Variants in SPACA6 observed in about 807,000 individuals in gnomAD.
The protein encoded by SPACA6 is sperm acrosome associated 6.
For synonymous variants in SPACA6, 6 were observed against 1.5 expected (o/e 4.05, Z -2.21); for missense variants, 8 against 2.8 (o/e 2.88, Z -1.34).
upstream of SPACA6, chr19:51,692,696 G>A (rs780885473): frequency 9.4e-6 from 5 of 533,194 alleles, no homozygotes; most frequent in South Asian, 4.2e-5. The surrounding 1 kb of genome is among the most constrained non-coding windows in gnomAD (Gnocchi z 5.6). Context: ...GCTCACCATC[G>A]CGGCTGGGGC....
chr19:51,698,776 G>T (rs985538802), intron 2 of SPACA6, among the ~76,000 whole-genome samples: 1 of 152,166 alleles, frequency 6.6e-6, no homozygotes, highest in African/African-American at 2.4e-5. Context: ...CCCTGCAATG[G>T]CTTTAAGCCC....
chr19:51,703,108 C>A lies in SPACA6; in HGVS notation c.463+10C>A. 7.5e-6 allele frequency: 3 copies of A among 399,548 alleles called. No individual in the cohort carries two copies. The highest frequency in any genetic ancestry group is 1.3e-5 in the Non-Finnish European group (3 of 226,414). 24.8% of individuals were successfully genotyped at this position (399,548 alleles called of 1,614,324 possible). The stretch of plus-strand genomic sequence containing the variant: ...CCGCTGGACTGCCCAGGTGAGGGGG[C>A]GGGGCCTCGGGGTGCAGGAGGCCAA... On this transcript the variant is annotated intron_variant, in intron 5 of 8. Transcript: ENST00000637797. This position sits in a 1 kb window ranked among gnomAD's most constrained non-coding sequence, Gnocchi z 4.2.
At chr19:51,683,566 A>G in the SPACA6 span, among the ~76,000 whole-genome samples, 1 of 152,230 alleles carries the variant, frequency 6.6e-6, no homozygotes, top group Non-Finnish European at 1.5e-5. Flanking sequence ...GAAAGAATAC[A>G]GTAAAAATAC....
chr19:51,699,739 C>T (rs904075387), intron 2 of SPACA6, among the ~76,000 whole-genome samples: 6 of 152,114 alleles, frequency 3.9e-5, no homozygotes, highest in Admixed American at 3.3e-4. Flanking sequence ...ACTTAATCAC[C>T]TCTTTAAGAA....
upstream of SPACA6, among the ~76,000 whole-genome samples, chr19:51,690,824 C>T (rs1398120541): frequency 6.6e-6 from 1 of 151,944 alleles, no homozygotes; most frequent in East Asian, 1.9e-4. Flanking sequence ...GGCTTCCCCT[C>T]TCCCCTCACC....
the SPACA6 span, among the ~76,000 whole-genome samples, chr19:51,683,594 G>T: frequency 1.3e-5 from 2 of 152,098 alleles, no homozygotes; most frequent in African/African-American, 4.8e-5. Context: ...AGAATAAATT[G>T]CCCTGTTAAT....
chr19:51,712,774 A>G (rs2083548879), downstream of SPACA6, among the ~76,000 whole-genome samples: 1 of 152,078 alleles, frequency 6.6e-6, no homozygotes, highest in South Asian at 2.1e-4. Context: ...GCCAGCTAAG[A>G]GGGAGGGGAG....
upstream of SPACA6, chr19:51,686,027 A>T (rs2083326938): frequency 6.6e-6 from 1 of 152,200 alleles, no homozygotes; most frequent in African/African-American, 2.4e-5. Flanking sequence ...GAAGGCAATG[A>T]TGGATCCTGA....
At chr19:51,710,832 C>A (rs962305422) in intron 2 of SPACA6, among the ~76,000 whole-genome samples, 15 of 152,212 alleles carry the variant, frequency 9.9e-5, no homozygotes, top group Admixed American at 9.8e-4. Context: ...GTAATCCCAG[C>A]ACTTTGGGAA....
downstream of SPACA6, among the ~76,000 whole-genome samples, chr19:51,712,638 T>C (rs988054818): frequency 6.6e-6 from 1 of 152,130 alleles, no homozygotes; most frequent in African/African-American, 2.4e-5. Context: ...CACAGACAGG[T>C]CACCCTCAGC....
chr19:51,692,476 C>T, upstream of SPACA6: 1 of 396,790 alleles, frequency 2.5e-6, no homozygotes, highest in Admixed American at 3.7e-5. This position sits in a 1 kb window ranked among gnomAD's most constrained non-coding sequence, Gnocchi z 5.6. Context: ...TGAGGAAGGG[C>T]CTAGACTTCT....
chr19:51,708,628 A>G (rs1599786787), downstream of SPACA6, among the ~76,000 whole-genome samples: 1 of 152,290 alleles, frequency 6.6e-6, no homozygotes, highest in African/African-American at 2.4e-5. Flanking sequence ...GGAGTTCAAG[A>G]CCAGCCTGGC....
At chr19:51,696,697 C>T (rs1010526027) in intron 2 of SPACA6, among the ~76,000 whole-genome samples, 2 of 152,120 alleles carry the variant, frequency 1.3e-5, no homozygotes, top group Admixed American at 6.6e-5. Flanking sequence ...GATCTTCCCA[C>T]CTCAGCCTCC....
intron 2 of SPACA6, among the ~76,000 whole-genome samples, chr19:51,710,763 A>G (rs758857774): frequency 1.3e-5 from 2 of 152,184 alleles, no homozygotes; most frequent in Non-Finnish European, 2.9e-5. Flanking sequence ...AAGGTGGAGG[A>G]AAGCAAGGTA....
upstream of SPACA6, chr19:51,687,833 C>G (rs1043616746): frequency 3.9e-5 from 6 of 152,420 alleles, no homozygotes; most frequent in African/African-American, 1.4e-4. Context: ...CTGGGCCAGA[C>G]TCAGGGAGTT....
chr19:51,696,493 G>A (rs920386516), intron 2 of SPACA6, among the ~76,000 whole-genome samples: 3 of 152,056 alleles, frequency 2.0e-5, no homozygotes, highest in Non-Finnish European at 2.9e-5. Flanking sequence ...TGTCACCCAG[G>A]CTGGATTGCA....
chr19:51,707,069 C>T (rs987670645), downstream of SPACA6, among the ~76,000 whole-genome samples: 2 of 152,146 alleles, frequency 1.3e-5, no homozygotes, highest in African/African-American at 4.8e-5. Flanking sequence ...TTGATTTGCT[C>T]ATTCAGCAAA....
chr19:51,697,318 C>T (rs1568617132), intron 2 of SPACA6, among the ~76,000 whole-genome samples: 2 of 152,242 alleles, frequency 1.3e-5, no homozygotes, highest in South Asian at 4.1e-4. Flanking sequence ...AGTGAGAAGC[C>T]GGCCCATGGT....
chr19:51,704,266 G>A lies in SPACA6; in HGVS notation c.731-4G>A, dbSNP rs1037007251. On this transcript the variant is annotated splice_polypyrimidine_tract_variant and splice_region_variant and intron_variant, in intron 7 of 8. Transcript: ENST00000637797. ...GTGCCTGGCTGACGTGCGCGCCCCCGCAGTGACGGGCCCGCCCCCGCGGGC... is the reference window on the plus strand; with the variant it reads ...GTGCCTGGCTGACGTGCGCGCCCCCACAGTGACGGGCCCGCCCCCGCGGGC... 5 of 400,556 alleles carry A rather than the reference G, an allele frequency of 1.2e-5. No homozygotes were observed. The highest frequency in any genetic ancestry group is 2.2e-5 in the Non-Finnish European group (5 of 225,964). 24.8% of individuals were successfully genotyped at this position (400,556 alleles called of 1,614,324 possible).
Sources: gnomAD v4.1 joint callset for allele counts (sites outside exome capture counted in the v4.1 genomes callset) on GRCh38, gnomAD v4.1.1 for gene constraint, Gnocchi (gnomAD v3.1) non-coding constraint, MANE v1.5 for transcripts, NCBI Gene and HGNC (gene_info 2026-07-23, HGNC 2026-07-21) for gene names.